NOP9: variants seen among roughly 807,000 people sequenced by gnomAD.
The protein encoded by NOP9 is nucleolar protein 9.
Under a neutral mutation model 63.0 loss-of-function variants are expected in NOP9, and 50 were observed. That is an observed-to-expected ratio of 0.79 (90% CI 0.63 to 1.00). The LOEUF (loss-of-function observed/expected upper bound fraction) is 1.00. Among genes scored for constraint, NOP9 ranks in the 50% least tolerant of loss-of-function variants. The probability of loss-of-function intolerance (pLI) is 0.00; values close to 1 mark genes in which losing one functional copy is unlikely to be tolerated. For synonymous variants in NOP9, 343 were observed against 332.8 expected (o/e 1.03, Z -0.33); for missense variants, 758 against 803.0 (o/e 0.94, Z 0.68).
chr14:24,298,520 G>A (rs986546368), upstream of NOP9, among the ~76,000 whole-genome samples: 1 of 152,188 alleles, frequency 6.6e-6, no homozygotes, highest in East Asian at 1.9e-4. Flanking sequence ...ATAGAGGAAA[G>A]CACAGGTCCA....
At chr14:24,284,171 T>C in the NOP9 span, among the ~76,000 whole-genome samples, 4 of 152,182 alleles carry the variant, frequency 2.6e-5, no homozygotes, top group African/African-American at 9.7e-5. Flanking sequence ...AGGTGAAACC[T>C]GGATGAAACG....
At position 24,300,027 on chromosome 14, in the gene NOP9, G is replaced by GC. The variant is rs1462001794; in HGVS notation, c.75dup (p.Lys26GlnfsTer11). ...AGCTGGTGGCAAACGGGGGCGCGGGGCCAAGGGGTCGGGGCGCCCCTTACC... is the reference window on the plus strand; with the variant it reads ...AGCTGGTGGCAAACGGGGGCGCGGGGCCCAAGGGGTCGGGGCGCCCCTTACC... On this transcript the variant is annotated frameshift_variant, in exon 1 of 10. Transcript: ENST00000267425. LOFTEE classifies it high-confidence loss of function. The GC allele has an allele frequency of 3.7e-6, 6 of 1,605,764 alleles. No homozygotes were observed. The highest frequency in any genetic ancestry group is 1.3e-5 in the African/African-American group (1 of 74,814).
At chr14:24,292,518 G>A in the NOP9 span, 91 of 1,533,632 alleles carry the variant, frequency 5.9e-5, no homozygotes, top group Non-Finnish European at 8.1e-5. Flanking sequence ...CAAAGGAACT[G>A]TCCATGGATG....
chr14:24,278,501 G>C, the NOP9 span, among the ~76,000 whole-genome samples: 235 of 152,326 alleles, frequency 1.5e-3, no homozygotes, highest in African/African-American at 5.3e-3. Context: ...ATAATTGGGA[G>C]GAATACTGGA....
the NOP9 span, among the ~76,000 whole-genome samples, chr14:24,278,651 A>C: frequency 6.6e-6 from 1 of 152,188 alleles, no homozygotes; most frequent in Non-Finnish European, 1.5e-5. Context: ...ACGATAGTGT[A>C]TGAAGACAGG....
chr14:24,288,205 A>G, the NOP9 span, among the ~76,000 whole-genome samples: 1 of 152,180 alleles, frequency 6.6e-6, no homozygotes, highest in African/African-American at 2.4e-5. Flanking sequence ...GAAGGTCTAG[A>G]TGACTTCTAA....
At chr14:24,290,438 G>A in the NOP9 span, among the ~76,000 whole-genome samples, 1 of 152,194 alleles carries the variant, frequency 6.6e-6, no homozygotes, top group South Asian at 2.1e-4. Context: ...GCTGGGGCAT[G>A]GGAAACAGGT....
At chr14:24,296,419 G>T, upstream of NOP9, 1 of 1,277,908 alleles carries the variant, frequency 7.8e-7, no homozygotes, top group Non-Finnish European at 1.1e-6. Flanking sequence ...GGAGGCCGGA[G>T]GGAAAAGGAG....
At chr14:24,280,560 C>T in the NOP9 span, among the ~76,000 whole-genome samples, 2 of 152,218 alleles carry the variant, frequency 1.3e-5, no homozygotes, top group Non-Finnish European at 2.9e-5. Context: ...GGTGGTTGCT[C>T]AACTAACGTT....
chr14:24,293,132 A>G, the NOP9 span: 1 of 217,844 alleles, frequency 4.6e-6, no homozygotes. Flanking sequence ...AGTACAGACA[A>G]AATCTTTCAA....
the NOP9 span, chr14:24,292,461 C>A: frequency 6.8e-7 from 1 of 1,473,050 alleles, no homozygotes; most frequent in Non-Finnish European, 9.2e-7. Flanking sequence ...CAGCTGCCCA[C>A]GCTCCCCAGT....
chr14:24,292,364 C>T, the NOP9 span: 1 of 1,611,838 alleles, frequency 6.2e-7, no homozygotes, highest in Non-Finnish European at 8.5e-7. Flanking sequence ...TAAGAGCCAC[C>T]TAGCCATGTC....
chr14:24,278,095 C>A, the NOP9 span, among the ~76,000 whole-genome samples: 2 of 152,184 alleles, frequency 1.3e-5, no homozygotes, highest in Non-Finnish European at 2.9e-5. Context: ...TTCTTTATAA[C>A]TCTGACCATC....
intron 9 of NOP9, 78 bp from the exon 10 acceptor site, chr14:24,304,860 G>A (rs1014735670): frequency 2.6e-5 from 37 of 1,444,236 alleles, no homozygotes; most frequent in Non-Finnish European, 3.2e-5. Context: ...GGGTCTGGGG[G>A]AAATGGAGGG....
At chr14:24,272,734 C>A in the NOP9 span, among the ~76,000 whole-genome samples, 2 of 152,214 alleles carry the variant, frequency 1.3e-5, no homozygotes, top group African/African-American at 4.8e-5. Flanking sequence ...GCTGTATATC[C>A]TGCCTGACCC....
At chr14:24,292,904 G>A in the NOP9 span, 7 of 1,335,920 alleles carry the variant, frequency 5.2e-6, no homozygotes, top group Non-Finnish European at 6.9e-6. Flanking sequence ...GCTACACAGG[G>A]TGGGTTAGCG....
chr14:24,296,373 G>T, upstream of NOP9: 1 of 826,546 alleles, frequency 1.2e-6, no homozygotes. Flanking sequence ...GAGGTAAGTG[G>T]GACAAATGGA....
In NOP9 at chr14:24,304,033, G is replaced by A. The variant is rs375332896; in HGVS notation, c.1411-8G>A. ...GTGCCTCCTAATTTCTTATCTCTGC[G>A]CTGCCAGGTGGCAATGGCCGCAGCC... On this transcript the variant is annotated splice_polypyrimidine_tract_variant and splice_region_variant and intron_variant, in intron 7 of 9. Coordinates refer to ENST00000267425, the MANE Select transcript of NOP9 (RefSeq NM_174913.3). 1.4e-5 allele frequency: 22 copies of A among 1,612,312 alleles called. No individual in the cohort carries two copies. Among genetic ancestry groups the A allele is most frequent in the East Asian group, 8.9e-5 (4 of 44,892 alleles).
chr14:24,275,498 A>G, the NOP9 span, among the ~76,000 whole-genome samples: 1 of 152,186 alleles, frequency 6.6e-6, no homozygotes, highest in Non-Finnish European at 1.5e-5. Flanking sequence ...GAGTTTCTTG[A>G]GACCTGGAAC....
Sources: allele counts gnomAD v4.1 joint callset (sites outside exome capture counted in the v4.1 genomes callset), GRCh38; gene constraint gnomAD v4.1.1; transcripts MANE v1.5; gene names NCBI Gene and HGNC (gene_info 2026-07-23, HGNC 2026-07-21).